RBFOX3: variants seen among roughly 807,000 people sequenced by gnomAD.
RBFOX3 encodes the protein RNA binding protein fox-1 homolog 3.
A neutral mutation model predicts 48.7 loss-of-function variants in RBFOX3; 17 were observed. That is an observed-to-expected ratio of 0.35 (90% CI 0.24 to 0.52). RBFOX3 has a LOEUF of 0.52. RBFOX3 is among the 20% of genes least tolerant of loss of function. The pLI is 0.94. For missense variants in RBFOX3, 382 were observed against 497.5 expected (o/e 0.77, Z 2.21); for synonymous variants, 212 against 209.5 (o/e 1.01, Z -0.10).
rs2146210100 is a variant in RBFOX3 at position 79,094,462 on chromosome 17, T to C, written c.1066A>G (p.Ile356Val). 3 of 1,487,014 alleles carry C rather than the reference T, an allele frequency of 2.0e-6. No homozygotes were observed. The highest frequency in any genetic ancestry group is 2.9e-5 in the East Asian group (1 of 34,860). 92.1% of individuals were successfully genotyped at this position (1,487,014 alleles called of 1,614,324 possible). A position where few individuals can be genotyped will look rare whatever the true frequency, so the allele number is the denominator to read the frequency against. Residue 356 changes from isoleucine to valine, a missense_variant, in exon 14 of 15, where the codon ATT (isoleucine) becomes GTT (valine). By Grantham distance (29) the Ile-to-Val change is conservative. Around this residue, in one of 3 missense-constraint regions of RBFOX3, gnomAD observed 215 missense variants for 254.8 expected, o/e 0.84. Coordinates refer to ENST00000693108, the MANE Select transcript of RBFOX3 (RefSeq NM_001350451.2). The stretch of plus-strand genomic sequence containing the variant: ...CCTGGGCTCCTTACCATGGTTCCAA[T>C]GCTGTAGGTCGCCGCGGGCCCGATG... ...HTIGPAATYS[I>V]GTM
chr17:79,281,715 T>C (rs1384322878), intron 3 of RBFOX3, among the ~76,000 whole-genome samples: 1 of 152,256 alleles, frequency 6.6e-6, no homozygotes, highest in Non-Finnish European at 1.5e-5. Flanking sequence ...CCCAATGGTG[T>C]ATGCATTTAA....
In RBFOX3 at chr17:79,363,642, G is replaced by A. The variant is rs144300773; in HGVS notation, c.-174-55818C>T. Among the ~76,000 whole-genome samples the A allele has an allele frequency of 3.4e-3, 514 of 152,006 alleles. No individual in the cohort carries two copies. Among genetic ancestry groups the A allele is most frequent in the Non-Finnish European group, 5.6e-3 (383 of 67,954 alleles). ...GCCCAATCGAAGATCTAGGGCCTTC[G>A]ATTCCCTCCTTTCCTTGATGCCAGT... On this transcript the variant is annotated intron_variant, in intron 2 of 14. Transcript: ENST00000693108. The surrounding 1 kb of genome is among the most constrained non-coding windows in gnomAD (Gnocchi z 4.7).
intron 2 of RBFOX3, among the ~76,000 whole-genome samples, chr17:79,407,725 C>T (rs1019148274): frequency 5.3e-5 from 8 of 152,146 alleles, no homozygotes; most frequent in South Asian, 2.1e-4. Flanking sequence ...GCTAGGCGGC[C>T]GGGAGCAGGA....
At chr17:79,468,071 T>C (rs2076550659) in intron 2 of RBFOX3, among the ~76,000 whole-genome samples, 1 of 152,098 alleles carries the variant, frequency 6.6e-6, no homozygotes, top group Non-Finnish European at 1.5e-5. Flanking sequence ...CGCTGAGCCC[T>C]AGGAGCTGAG....
chr17:79,592,190 C>T (rs1473789427), intron 1 of RBFOX3, among the ~76,000 whole-genome samples: 2 of 142,880 alleles, frequency 1.4e-5, no homozygotes, highest in Non-Finnish European at 3.0e-5. Flanking sequence ...GTACTGTCGT[C>T]GTATGTGCAC....
intron 1 of RBFOX3, among the ~76,000 whole-genome samples, chr17:79,602,793 G>A (rs1479747168): frequency 1.3e-5 from 2 of 152,144 alleles, no homozygotes; most frequent in Non-Finnish European, 2.9e-5. Flanking sequence ...CGCGGTAAGC[G>A]ATGTGGCAGC....
intron 4 of RBFOX3, among the ~76,000 whole-genome samples, chr17:79,207,434 C>A (rs927504247): frequency 6.6e-6 from 1 of 152,232 alleles, no homozygotes; most frequent in Admixed American, 6.5e-5. Flanking sequence ...GTCAGAGGTG[C>A]CTGGATGCTG....
chr17:79,455,851 G>C (rs991044290), intron 2 of RBFOX3, among the ~76,000 whole-genome samples: 1 of 152,130 alleles, frequency 6.6e-6, no homozygotes, highest in Non-Finnish European at 1.5e-5. Context: ...CCTCCAGCCT[G>C]GCCTCCCCCG....
chr17:79,206,409 T>G (rs543063488), intron 4 of RBFOX3, among the ~76,000 whole-genome samples: 142 of 152,248 alleles, frequency 9.3e-4, no homozygotes, highest in South Asian at 4.6e-3. Context: ...CTGTGGCGGA[T>G]AAGGCTGTGT....
At chr17:79,474,075 G>A (rs2077381702) in intron 2 of RBFOX3, among the ~76,000 whole-genome samples, 1 of 151,988 alleles carries the variant, frequency 6.6e-6, no homozygotes, top group Admixed American at 6.5e-5. Flanking sequence ...CCTTTGCCAT[G>A]GAATTCACCG....
chr17:79,327,798 C>T (rs1320403735), intron 2 of RBFOX3, among the ~76,000 whole-genome samples: 2 of 152,104 alleles, frequency 1.3e-5, no homozygotes, highest in South Asian at 2.1e-4. Flanking sequence ...TGGGTTCAAG[C>T]GATTCTCCTG....
At chr17:79,112,918 G>GGGGGGGGGGGGGGGGGGGGGC (rs2032478069) in intron 5 of RBFOX3, among the ~76,000 whole-genome samples, 1 of 86,486 alleles carries the variant, frequency 1.2e-5, no homozygotes. Flanking sequence ...GGGGGGGTGG[G>GGGGGGGGGGGGGGGGGGGGGC]CTGGGTAGGA....
At chr17:79,559,596 GA>G (rs2092043001) in intron 1 of RBFOX3, among the ~76,000 whole-genome samples, 2 of 145,596 alleles carry the variant, frequency 1.4e-5, no homozygotes, top group East Asian at 2.2e-4. Context: ...GGTGGATGGA[GA>G]GTGATGAGTG....
At position 79,195,822 on chromosome 17, in the gene RBFOX3, A is replaced by G. The variant is rs1219062105; in HGVS notation, c.-34+39944T>C. 1.3e-5 allele frequency among the ~76,000 whole-genome samples: 2 copies of G among 152,224 alleles called. No homozygotes were observed. Among genetic ancestry groups the G allele is most frequent in the Admixed American group, 1.3e-4 (2 of 15,286 alleles). On this transcript the variant is annotated intron_variant, in intron 4 of 14. Transcript: ENST00000693108. This position sits in a 1 kb window ranked among gnomAD's most constrained non-coding sequence, Gnocchi z 5.3. ...GACCTGTGCTAGGAGAAAGTGTCCT[A>G]GTGGCCAGCTCCCGTGCGGCTGCAC...
chr17:79,557,354 G>GT (rs1420722996), intron 1 of RBFOX3, among the ~76,000 whole-genome samples: 3 of 151,374 alleles, frequency 2.0e-5, no homozygotes, highest in African/African-American at 7.3e-5. Flanking sequence ...TATCTGGTCT[G>GT]TTACCCCTGC....
chr17:79,563,022 G>A (rs889254947), intron 1 of RBFOX3, among the ~76,000 whole-genome samples: 20 of 152,216 alleles, frequency 1.3e-4, no homozygotes, highest in Non-Finnish European at 2.1e-4. Context: ...GCCAGCACTC[G>A]CCCACTGCCT....
chr17:79,138,661 C>T (rs965368251), intron 4 of RBFOX3, among the ~76,000 whole-genome samples: 21 of 134,096 alleles, frequency 1.6e-4, no homozygotes, highest in Middle Eastern at 4.5e-3. Flanking sequence ...ATACACAGCA[C>T]ATGCATTCAC....
chr17:79,419,516 C>T (rs1397507875), intron 2 of RBFOX3, among the ~76,000 whole-genome samples: 1 of 152,208 alleles, frequency 6.6e-6, no homozygotes, highest in East Asian at 1.9e-4. Context: ...CACGTGTGCA[C>T]AAAATTCAGA....
intron 1 of RBFOX3, among the ~76,000 whole-genome samples, chr17:79,558,304 T>C (rs1417431296): frequency 2.0e-5 from 3 of 152,116 alleles, no homozygotes; most frequent in African/African-American, 7.2e-5. Context: ...AGAAAAATAT[T>C]TGCTAACACA....
Sources: gnomAD v4.1 joint callset for allele counts (sites outside exome capture counted in the v4.1 genomes callset) on GRCh38, gnomAD v4.1.1 for gene constraint, gnomAD v4.1.1 regional missense constraint, Gnocchi (gnomAD v3.1) non-coding constraint, MANE v1.5 for transcripts, NCBI Gene and HGNC (gene_info 2026-07-23, HGNC 2026-07-21) for gene names.